Variants in BAIAP2 observed in about 807,000 individuals in gnomAD.
BAIAP2 encodes the protein BAR/IMD domain containing adaptor protein 2.
BAIAP2 carries 18 observed loss-of-function variants against 63.0 expected under a neutral mutation model. The ratio of observed to expected loss-of-function variants is 0.29; its 90% CI spans 0.20 to 0.42. The LOEUF is 0.42. BAIAP2 is among the 10% of genes least tolerant of loss of function. The probability of loss-of-function intolerance (pLI) is 1.00; values close to 1 mark genes in which losing one functional copy is unlikely to be tolerated. For synonymous variants in BAIAP2, 386 were observed against 307.6 expected, an observed-to-expected ratio of 1.25 and a Z score of -2.67; for missense variants, 610 against 734.3, an observed-to-expected ratio of 0.83 and a Z score of 1.96.
chr17:81,065,420 C>T (rs554962040), intron 3 of BAIAP2, among the ~76,000 whole-genome samples: 1 of 152,330 alleles, frequency 6.6e-6, no homozygotes, highest in East Asian at 1.9e-4. Context: ...GAGGCTGGCA[C>T]CACCAGGGGC....
At chr17:81,098,349 G>T (rs888211080) in intron 6 of BAIAP2, among the ~76,000 whole-genome samples, 2 of 151,582 alleles carry the variant, frequency 1.3e-5, no homozygotes, top group African/African-American at 4.9e-5. Context: ...TCCTCCCGAG[G>T]CTCACGTTGG....
intron 1 of BAIAP2, among the ~76,000 whole-genome samples, chr17:81,043,199 G>A (rs1233289085): frequency 6.6e-6 from 1 of 152,222 alleles, no homozygotes; most frequent in Non-Finnish European, 1.5e-5. Flanking sequence ...GGGTGTGGTG[G>A]AGGCCGAGAT....
In BAIAP2 at chr17:81,057,868, T is replaced by C; in HGVS notation, c.131-13T>C. ...CGTGGAGGAAATAACTGCTCCCTTTTCTTCTCTCTCAGGTGTGACGTATGC... is the reference window on the plus strand; with the variant it reads ...CGTGGAGGAAATAACTGCTCCCTTTCCTTCTCTCTCAGGTGTGACGTATGC... On this transcript the variant is annotated splice_polypyrimidine_tract_variant and intron_variant, in intron 2 of 13. Coordinates refer to ENST00000428708, the MANE Select transcript of BAIAP2 (RefSeq NM_001144888.2). 1 of 1,607,284 alleles carries C rather than the reference T, an allele frequency of 6.2e-7. No individual in the cohort carries two copies. The highest frequency in any genetic ancestry group is 2.2e-5 in the East Asian group (1 of 44,598).
At position 81,103,937 on chromosome 17, in the gene BAIAP2, A is replaced by T; in HGVS notation, c.895A>T (p.Met299Leu). The T allele has an allele frequency of 6.2e-7, 1 of 1,613,018 alleles. No individual in the cohort carries two copies. The highest frequency in any genetic ancestry group is 1.1e-5 in the South Asian group (1 of 91,088). Residue 299 changes from methionine (M) to leucine (L), a missense_variant, in exon 9 of 14, where the codon ATG becomes TTG. Physicochemically the swap from Met to Leu is conservative, Grantham distance 15. Around this residue, in one of 5 missense-constraint regions of BAIAP2, gnomAD observed 389 missense variants for 455.6 expected, o/e 0.85. Transcript: ENST00000428708. ...RMSAQESTPI[M>L]NGVTGPDGED... ...GTCTGCCCAGGAGAGCACACCCATC[A>T]TGAACGGCGTCACAGGCCCGGATGG... is the stretch of plus-strand genomic sequence containing the variant.
intron 6 of BAIAP2, among the ~76,000 whole-genome samples, chr17:81,098,385 C>T (rs1281766875): frequency 6.6e-6 from 1 of 151,968 alleles, no homozygotes; most frequent in Non-Finnish European, 1.5e-5. Flanking sequence ...GCTACAGTTT[C>T]TTGGTCTGGC....
chr17:81,075,114 C>G (rs998328565), intron 3 of BAIAP2, among the ~76,000 whole-genome samples: 2 of 152,234 alleles, frequency 1.3e-5, no homozygotes, highest in African/African-American at 4.8e-5. Context: ...AGCCTCGGCT[C>G]AGCTCACCCA....
intron 1 of BAIAP2, chr17:81,037,037 G>A: frequency 7.7e-7 from 1 of 1,302,354 alleles, no homozygotes; most frequent in Non-Finnish European, 1.1e-6. Flanking sequence ...TAACCGGGCA[G>A]TAGGCCTTCA....
intron 3 of BAIAP2, among the ~76,000 whole-genome samples, chr17:81,072,346 A>G (rs2052836621): frequency 6.6e-6 from 1 of 152,170 alleles, no homozygotes. Context: ...CCATGTAATC[A>G]GGGAACAGGA....
chr17:81,109,176 G>A, intron 13 of BAIAP2: 1 of 1,415,908 alleles, frequency 7.1e-7, no homozygotes, highest in Non-Finnish European at 9.2e-7. Context: ...CCATGGTGCT[G>A]CTCCATCCGC....
At chr17:81,037,892 C>T (rs914786669) in intron 1 of BAIAP2, among the ~76,000 whole-genome samples, 1 of 152,266 alleles carries the variant, frequency 6.6e-6, no homozygotes, top group Non-Finnish European at 1.5e-5. Context: ...TGATTTTCTT[C>T]CCCGTAAGAA....
intron 1 of BAIAP2, among the ~76,000 whole-genome samples, chr17:81,048,243 G>C (rs907456078): frequency 6.6e-6 from 1 of 151,958 alleles, no homozygotes; most frequent in Non-Finnish European, 1.5e-5. Context: ...AATTAGCTGG[G>C]TGTGGTGGTG....
intron 7 of BAIAP2, among the ~76,000 whole-genome samples, chr17:81,101,069 T>TGTGTCTCCCGCTAG (rs2058421577): frequency 6.6e-6 from 1 of 151,284 alleles, no homozygotes; most frequent in Non-Finnish European, 1.5e-5. Flanking sequence ...CCTGCGGCCC[T>TGTGTCTCCCGCTAG]GTGTCTCCCG....
chr17:81,066,153 T>C (rs1272478814), intron 3 of BAIAP2, among the ~76,000 whole-genome samples: 1 of 152,228 alleles, frequency 6.6e-6, no homozygotes, highest in Non-Finnish European at 1.5e-5. Flanking sequence ...TGTGTTTTTG[T>C]CCTTTGAAGA....
rs764147330 is a variant in BAIAP2, at chr17:81,103,482, T to C, written c.643-20T>C. 2 of 1,544,970 alleles carry C rather than the reference T, an allele frequency of 1.3e-6. No individual in the cohort carries two copies. Among genetic ancestry groups the C allele is most frequent in the African/African-American group, 1.4e-5 (1 of 73,330 alleles). ...ACTGAGCCGGCCCTGACCCCTCCCT[T>C]CCTGCTGCTTCCACTTCAGGGCAAG... On this transcript the variant is annotated intron_variant, in intron 7 of 13. Coordinates refer to ENST00000428708, the MANE Select transcript of BAIAP2 (RefSeq NM_001144888.2).
intron 13 of BAIAP2, 118 bp downstream of exon 13, chr17:81,108,627 C>T: frequency 7.5e-7 from 1 of 1,336,164 alleles, no homozygotes; most frequent in Admixed American, 1.9e-5. Flanking sequence ...CCAGCCTGGC[C>T]CTTCACCCCT....
rs980783351 is a variant in BAIAP2 at position 81,053,805 on chromosome 17, C to T, written c.130+62C>T. On this transcript the variant is annotated intron_variant, in intron 2 of 13. Transcript: ENST00000428708. The stretch of plus-strand genomic sequence containing the variant: ...CCTCCTGAGCTGGTAGAACTGCGCC[C>T]GGGCCCCGTGGGGTGGGAGCTGCCT... The T allele has an allele frequency of 2.3e-5, 37 of 1,586,318 alleles. No individual in the cohort carries two copies. The Admixed American group carries it at 2.5e-4, about 11-fold the overall frequency.
rs1305220726 is a variant in BAIAP2 at position 81,115,927 on chromosome 17, A to G, written c.*88A>G. 1.9e-5 allele frequency: 30 copies of G among 1,576,680 alleles called. No homozygotes were observed. The highest frequency in any genetic ancestry group is 9.1e-5 in the East Asian group (4 of 43,970). ...TGTCATCATCTGTGCGTTCCTGTGT[A>G]GAGAACATCCAGGCCCCGGCTGCCT... On this transcript the variant is annotated 3_prime_UTR_variant, in exon 14 of 14. Transcript: ENST00000428708.
chr17:81,116,286 G>C lies in BAIAP2; in HGVS notation c.*447G>C. 1 of 1,612,846 alleles carries C rather than the reference G, an allele frequency of 6.2e-7. No homozygotes were observed. Among genetic ancestry groups the C allele is most frequent in the Non-Finnish European group, 8.5e-7 (1 of 1,179,930 alleles). ...CGGGAGCACGGGGATGGGAGCGCCC[G>C]CACCCTGGCTGGAAGATGAACTTCC... On this transcript the variant is annotated 3_prime_UTR_variant, in exon 14 of 14. Coordinates refer to ENST00000428708, the MANE Select transcript of BAIAP2 (RefSeq NM_001144888.2).
At chr17:81,069,295 GAACAC>G (rs953639405) in intron 3 of BAIAP2, among the ~76,000 whole-genome samples, 1 of 152,210 alleles carries the variant, frequency 6.6e-6, no homozygotes, top group African/African-American at 2.4e-5. Context: ...GGCAGAGACT[GAACAC>G]GTGCACACAC....
Sources: gnomAD v4.1 joint callset for allele counts (sites outside exome capture counted in the v4.1 genomes callset) on GRCh38, gnomAD v4.1.1 for gene constraint, gnomAD v4.1.1 regional missense constraint, MANE v1.5 for transcripts, NCBI Gene and HGNC (gene_info 2026-07-23, HGNC 2026-07-21) for gene names.